NDUFA5: variants seen among roughly 807,000 people sequenced by gnomAD.
NDUFA5 encodes the protein NADH:ubiquinone oxidoreductase subunit A5, also known as NADH dehydrogenase [ubiquinone] 1 alpha subcomplex subunit 5.
In NDUFA5, 11 loss-of-function variants were observed where a neutral mutation model predicts 19.8. The observed-to-expected ratio is 0.56, with a 90% confidence interval of 0.35 to 0.92. The LOEUF is 0.92. NDUFA5 is among the 40% of genes least tolerant of loss of function. The pLI, the probability that NDUFA5 is intolerant of heterozygous loss-of-function variation, is 0.01. For missense variants in NDUFA5, 109 were observed against 134.2 expected (o/e 0.81, Z 0.93); for synonymous variants, 47 against 46.8 (o/e 1.00, Z -0.01).
chr7:123,550,671 C>A, intron 2 of NDUFA5, 85 bp from the exon 3 acceptor site: 13 of 720,884 alleles, frequency 1.8e-5, no homozygotes, highest in East Asian at 3.1e-5. Context: ...ACAAAACAAA[C>A]AAAACTCACA....
chr7:123,561,056 C>T (rs1388838853), upstream of NDUFA5, among the ~76,000 whole-genome samples: 1 of 152,148 alleles, frequency 6.6e-6, no homozygotes, highest in African/African-American at 2.4e-5. Flanking sequence ...AATAAATAGA[C>T]ATTTCTTATT....
the NDUFA5 span, among the ~76,000 whole-genome samples, chr7:123,579,641 T>C: frequency 6.6e-6 from 1 of 152,074 alleles, no homozygotes; most frequent in Non-Finnish European, 1.5e-5. Context: ...CCTGGTACCT[T>C]GGGATTTGCA....
At chr7:123,552,636 T>TAAAAAAAAAAA (rs774901648) in intron 2 of NDUFA5, among the ~76,000 whole-genome samples, 34 of 67,294 alleles carry the variant, frequency 5.1e-4, no homozygotes, top group East Asian at 9.0e-4. Flanking sequence ...AAAGTATAAC[T>TAAAAAAAAAAA]AAAAAAAAAA....
At chr7:123,595,543 C>T in the NDUFA5 span, among the ~76,000 whole-genome samples, 1 of 152,154 alleles carries the variant, frequency 6.6e-6, no homozygotes, top group Admixed American at 6.5e-5. Flanking sequence ...ACAGAGTTTA[C>T]CACAATTCAT....
intron 2 of NDUFA5, chr7:123,555,420 A>G (rs1798500518): frequency 6.6e-6 from 1 of 152,226 alleles, no homozygotes; most frequent in South Asian, 2.1e-4. Context: ...GAGCTGTTAT[A>G]GAAAAGGATC....
At chr7:123,600,881 G>A in the NDUFA5 span, among the ~76,000 whole-genome samples, 2 of 152,186 alleles carry the variant, frequency 1.3e-5, no homozygotes, top group Non-Finnish European at 2.9e-5. Context: ...ACAAAAGCGT[G>A]TAGTGCTCCC....
At chr7:123,550,445 C>T (rs200350944) in intron 3 of NDUFA5, 25 bp downstream of exon 3, 4 of 532,004 alleles carry the variant, frequency 7.5e-6, no homozygotes, top group East Asian at 8.6e-5. Context: ...TTACACAAGA[C>T]AACAAAACTG....
intron 2 of NDUFA5, 22 bp downstream of exon 2, chr7:123,557,382 A>C: frequency 6.2e-7 from 1 of 1,613,838 alleles, no homozygotes; most frequent in Non-Finnish European, 8.5e-7. Flanking sequence ...TTCAAGAACG[A>C]AGAAAGAACA....
upstream of NDUFA5, among the ~76,000 whole-genome samples, chr7:123,561,133 C>T (rs141575035): frequency 3.9e-4 from 60 of 152,290 alleles, no homozygotes; most frequent in African/African-American, 1.3e-3. Context: ...CATCACAATT[C>T]CTATCAAAAT....
chr7:123,586,093 A>G, the NDUFA5 span, among the ~76,000 whole-genome samples: 2 of 151,844 alleles, frequency 1.3e-5, no homozygotes, highest in South Asian at 2.1e-4. Flanking sequence ...GCTATATACT[A>G]ACAGGTGAGG....
chr7:123,558,001 A>T (rs969058343), upstream of NDUFA5: 1 of 765,346 alleles, frequency 1.3e-6, no homozygotes, highest in African/African-American at 1.8e-5. Context: ...CCTAAAGCTA[A>T]GCTAGAAGAC....
the NDUFA5 span, among the ~76,000 whole-genome samples, chr7:123,599,673 C>T: frequency 6.6e-6 from 1 of 152,228 alleles, no homozygotes; most frequent in African/African-American, 2.4e-5. Context: ...GTTCTTCTAA[C>T]ACCGTGCTTC....
intron 4 of NDUFA5, among the ~76,000 whole-genome samples, chr7:123,544,764 TAA>T (rs61556029): frequency 3.6e-4 from 22 of 61,816 alleles, no homozygotes; most frequent in African/African-American, 9.3e-4. Context: ...ATGCAAATCT[TAA>T]AAAAAAAAAA....
chr7:123,590,464 T>C, the NDUFA5 span, among the ~76,000 whole-genome samples: 1 of 152,202 alleles, frequency 6.6e-6, no homozygotes, highest in Non-Finnish European at 1.5e-5. Flanking sequence ...GGTCTTACAT[T>C]TAAGTCTTTA....
upstream of NDUFA5, among the ~76,000 whole-genome samples, chr7:123,560,672 T>C (rs184732318): frequency 6.6e-6 from 1 of 152,242 alleles, no homozygotes; most frequent in Non-Finnish European, 1.5e-5. Context: ...TCTCATGGTA[T>C]GCTCATATTT....
At chr7:123,546,701 G>T in intron 3 of NDUFA5, 1 of 1,288,584 alleles carries the variant, frequency 7.8e-7, no homozygotes, top group Non-Finnish European at 1.0e-6. Context: ...CTGCCTCAGG[G>T]TATCTTGCTG....
chr7:123,546,374 T>C (rs984845930), intron 3 of NDUFA5, among the ~76,000 whole-genome samples: 5 of 152,110 alleles, frequency 3.3e-5, no homozygotes, highest in African/African-American at 1.2e-4. Flanking sequence ...ACTTTACAAG[T>C]AGTAAATTGA....
chr7:123,565,389 C>A, the NDUFA5 span, among the ~76,000 whole-genome samples: 4 of 121,586 alleles, frequency 3.3e-5, no homozygotes, highest in Non-Finnish European at 3.4e-5. Context: ...GGCTATTTAG[C>A]TTATAATACA....
the NDUFA5 span, among the ~76,000 whole-genome samples, chr7:123,601,348 A>G: frequency 6.6e-6 from 1 of 152,188 alleles, no homozygotes; most frequent in South Asian, 2.1e-4. Context: ...TGACTGCCCT[A>G]TCTCCGTCTG....
Sources: gnomAD v4.1 joint callset for allele counts (sites outside exome capture counted in the v4.1 genomes callset) on GRCh38, gnomAD v4.1.1 for gene constraint, MANE v1.5 for transcripts, NCBI Gene and HGNC (gene_info 2026-07-23, HGNC 2026-07-21) for gene names.